Variants in SPG21 observed in about 807,000 individuals in gnomAD.
The protein encoded by SPG21 is maspardin.
A neutral mutation model predicts 38.9 loss-of-function variants in SPG21; 26 were observed. That is an observed-to-expected ratio of 0.67 (90% CI 0.49 to 0.93). The LOEUF (loss-of-function observed/expected upper bound fraction) is 0.93, where lower values mean the gene tolerates loss of function less well. Ranked by LOEUF, SPG21 falls within the 40% of genes least tolerant of loss-of-function variation. SPG21 has a pLI of 0.00. For missense variants in SPG21, 333 were observed against 376.5 expected (o/e 0.88, Z 0.96); for synonymous variants, 136 against 128.9 (o/e 1.05, Z -0.37).
intron 2 of SPG21, chr15:64,983,234 C>G (rs774351121): frequency 1.1e-5 from 2 of 189,038 alleles, no homozygotes; most frequent in Non-Finnish European, 2.2e-5. Context: ...TGCACTCCAG[C>G]CTGGACGGCA....
intron 2 of SPG21, chr15:64,981,289 C>CTTTTTTT (rs34703670): frequency 3.6e-6 from 1 of 280,870 alleles, no homozygotes; most frequent in Non-Finnish European, 6.7e-6. Flanking sequence ...CCCCCTCCTC[C>CTTTTTTT]TTTTTTTTTT....
At chr15:64,963,903 C>T (rs1474798202) in intron 8 of SPG21, among the ~76,000 whole-genome samples, 167 bp from the exon 9 acceptor site, 1 of 151,954 alleles carries the variant, frequency 6.6e-6, no homozygotes, top group East Asian at 1.9e-4. Flanking sequence ...ATTACAGGTG[C>T]CCGCCACCAT....
chr15:64,976,407 A>C, intron 4 of SPG21, 68 bp downstream of exon 4: 1 of 1,134,356 alleles, frequency 8.8e-7, no homozygotes, highest in South Asian at 1.3e-5. Context: ...CCTGGGTGAC[A>C]GAGTGAGACT....
Position 64,980,971 on chromosome 15 carries a change from G to C in SPG21, c.118C>G (p.Arg40Gly), listed in dbSNP as rs555126484. ...AATATGAGAGGACACCTGATACTTCGGGGGCCCGCGTCATAGAGCGACCAT... is the reference window on the plus strand; with the variant it reads ...AATATGAGAGGACACCTGATACTTCCGGGGCCCGCGTCATAGAGCGACCAT... ...KIWSLYDAGP[R>G]SIRCPLIFLP... The change falls in exon 3 of 9, where the codon CGA becomes GGA. Residue 40 changes from arginine to glycine, a missense_variant. Arg to Gly is a moderately radical substitution (Grantham distance 125). Coordinates refer to ENST00000204566, the MANE Select transcript of SPG21 (RefSeq NM_016630.7). 4 of 1,614,094 alleles carry C rather than the reference G, an allele frequency of 2.5e-6. No homozygotes were observed. The highest frequency in any genetic ancestry group is 1.3e-5 in the African/African-American group (1 of 75,006).
intron 8 of SPG21, among the ~76,000 whole-genome samples, chr15:64,964,495 A>G (rs2140403960): frequency 6.6e-6 from 1 of 152,266 alleles, no homozygotes; most frequent in East Asian, 1.9e-4. Flanking sequence ...GTGAGCCACC[A>G]TGCGTGGCCA....
intron 1 of SPG21, among the ~76,000 whole-genome samples, chr15:64,987,991 G>A (rs544086241): frequency 5.3e-5 from 8 of 152,024 alleles, no homozygotes; most frequent in East Asian, 1.9e-4. Context: ...CCGAGATCAC[G>A]CCATTGCACT....
rs2085486310 is a variant in SPG21 at position 64,963,457 on chromosome 15, A to C, written c.*163T>G. ...GGGAACAGTTACACAGGCTTAGTGG[A>C]GATGCCGCCTGTCATGAAGATGACC... On this transcript the variant is annotated 3_prime_UTR_variant, in exon 9 of 9. Coordinates refer to ENST00000204566, the MANE Select transcript of SPG21 (RefSeq NM_016630.7). 4.6e-6 allele frequency: 3 copies of C among 659,048 alleles called. No individual in the cohort carries two copies. The highest frequency in any genetic ancestry group is 1.8e-5 in the African/African-American group (1 of 55,708). 40.8% of individuals were successfully genotyped at this position (659,048 alleles called of 1,614,324 possible).
At chr15:64,985,527 G>C (rs1275030799) in intron 1 of SPG21, among the ~76,000 whole-genome samples, 2 of 152,238 alleles carry the variant, frequency 1.3e-5, no homozygotes, top group Non-Finnish European at 2.9e-5. Flanking sequence ...ATAGTTCCCT[G>C]TTGCAGATTC....
In SPG21 at chr15:64,963,534, A is replaced by C. The variant is rs1486098857; in HGVS notation, c.*86T>G. 2 of 1,152,048 alleles carry C rather than the reference A, an allele frequency of 1.7e-6. No homozygotes were observed. The highest frequency in any genetic ancestry group is 3.0e-5 in the African/African-American group (2 of 66,056). 71.4% of individuals were successfully genotyped at this position (1,152,048 alleles called of 1,614,324 possible). Reference sequence around the variant, plus strand: ...AGAACCGGTGAGCCTGACGAACCTGAAGGAAAAGGCTGGCTGACGGGTGCT... The same window carrying C: ...AGAACCGGTGAGCCTGACGAACCTGCAGGAAAAGGCTGGCTGACGGGTGCT... On this transcript the variant is annotated 3_prime_UTR_variant, in exon 9 of 9. Coordinates refer to ENST00000204566, the MANE Select transcript of SPG21 (RefSeq NM_016630.7).
chr15:64,965,548 T>C, intron 7 of SPG21, 88 bp from the exon 8 acceptor site: 21 of 1,575,672 alleles, frequency 1.3e-5, no homozygotes, highest in South Asian at 2.2e-5. Flanking sequence ...TGTTTTAATA[T>C]GTTCTTTTCA....
intron 1 of SPG21, among the ~76,000 whole-genome samples, chr15:64,985,137 T>G (rs950532962): frequency 6.6e-6 from 1 of 152,222 alleles, no homozygotes; most frequent in Non-Finnish European, 1.5e-5. Flanking sequence ...GAAAGATCTA[T>G]AATGTAAACT....
chr15:64,982,338 G>T (rs2085901450), intron 2 of SPG21, among the ~76,000 whole-genome samples: 1 of 151,994 alleles, frequency 6.6e-6, no homozygotes, highest in Admixed American at 6.6e-5. Context: ...TAGAGAAAGG[G>T]TCTCATCATA....
intron 6 of SPG21, among the ~76,000 whole-genome samples, chr15:64,969,850 T>A (rs1169900054): frequency 1.3e-5 from 2 of 152,280 alleles, no homozygotes; most frequent in South Asian, 2.1e-4. Context: ...CCAGATCCCA[T>A]GCCCAGGGAT....
At chr15:64,970,640 A>G (rs1313333323) in intron 5 of SPG21, among the ~76,000 whole-genome samples, 1 of 152,244 alleles carries the variant, frequency 6.6e-6, no homozygotes, top group Non-Finnish European at 1.5e-5. Flanking sequence ...TCAAAATACC[A>G]ATATGAAAGC....
At chr15:64,973,592 T>G (rs1009826893) in intron 5 of SPG21, among the ~76,000 whole-genome samples, 3 of 152,132 alleles carry the variant, frequency 2.0e-5, no homozygotes, top group Non-Finnish European at 2.9e-5. Flanking sequence ...GCTGGGATTA[T>G]AGGCATGTGC....
chr15:64,981,100 C>A, intron 2 of SPG21, 75 bp from the exon 3 acceptor site: 1 of 1,566,426 alleles, frequency 6.4e-7, no homozygotes, highest in South Asian at 1.1e-5. Flanking sequence ...ACTGTCATTT[C>A]ACTGACAATT....
chr15:64,965,082 G>A (rs1260031197), intron 8 of SPG21, among the ~76,000 whole-genome samples: 1 of 152,162 alleles, frequency 6.6e-6, no homozygotes, highest in Non-Finnish European at 1.5e-5. Context: ...GTGTGTGAAT[G>A]CAGGCCTGCT....
intron 7 of SPG21, among the ~76,000 whole-genome samples, chr15:64,966,816 G>A (rs1052742063): frequency 4.6e-5 from 7 of 152,108 alleles, no homozygotes; most frequent in Admixed American, 2.0e-4. Flanking sequence ...GGAGAATGGC[G>A]TCAACCCAGG....
At chr15:64,969,120 A>C in intron 7 of SPG21, 135 bp downstream of exon 7, 1 of 674,060 alleles carries the variant, frequency 1.5e-6, no homozygotes. Context: ...GGAATTGAGA[A>C]AGCTGGAGGG....
Sources: allele counts gnomAD v4.1 joint callset (sites outside exome capture counted in the v4.1 genomes callset), GRCh38; gene constraint gnomAD v4.1.1; transcripts MANE v1.5; gene names NCBI Gene and HGNC (gene_info 2026-07-23, HGNC 2026-07-21).